Variants in METTL8 observed in about 807,000 individuals in gnomAD.
METTL8 encodes methyltransferase 8, tRNA N3-cytidine, also known as tRNA N(3)-cytidine methyltransferase METTL8, mitochondrial.
A neutral mutation model predicts 48.7 loss-of-function variants in METTL8; 32 were observed. The observed-to-expected ratio is 0.66, with a 90% confidence interval of 0.50 to 0.88. The LOEUF is 0.88. Ranked by LOEUF, METTL8 falls within the 40% of genes least tolerant of loss-of-function variation. The pLI, the probability that METTL8 is intolerant of heterozygous loss-of-function variation, is 0.00. For synonymous variants in METTL8, 136 were observed against 157.1 expected (o/e 0.87, Z 1.01); for missense variants, 464 against 474.4 (o/e 0.98, Z 0.20).
chr2:171,420,875 T>A (rs1459483807), intron 1 of METTL8, among the ~76,000 whole-genome samples: 4 of 152,244 alleles, frequency 2.6e-5, no homozygotes, highest in Admixed American at 1.3e-4. Flanking sequence ...TTTTAGTGAC[T>A]GTGAAATGGA....
intron 3 of METTL8, among the ~76,000 whole-genome samples, chr2:171,344,676 G>T (rs1189802250): frequency 2.0e-5 from 3 of 152,174 alleles, no homozygotes; most frequent in Non-Finnish European, 4.4e-5. Flanking sequence ...GAATATATGG[G>T]TTTGTGGGAC....
In METTL8 at chr2:171,320,804, T is replaced by C. The variant is rs1405188492; in HGVS notation, c.*3368A>G. 6.6e-6 allele frequency: 1 copy of C among 152,254 alleles called. No individual in the cohort carries two copies. The highest frequency in any genetic ancestry group is 1.5e-5 in the Non-Finnish European group (1 of 68,046). The allele number at this position is 152,254 out of a possible 1,614,324, so 9.4% of individuals were successfully genotyped here. On this transcript the variant is annotated 3_prime_UTR_variant, in exon 10 of 10. Transcript: ENST00000375258. ...AGGCAAGTTTGTGCAAAAACCTTTA[T>C]GTGGTCTTCCTTGCCACTGATCTCT...
At chr2:171,360,579 G>A (rs750169880) in intron 2 of METTL8, 66 bp from the exon 3 acceptor site, 1 of 1,344,438 alleles carries the variant, frequency 7.4e-7, no homozygotes, top group East Asian at 2.3e-5. Flanking sequence ...AAGGTGACAA[G>A]GAACCACATC....
At chr2:171,340,498 CAAAAAAAAAAAA>C (rs760579218) in intron 3 of METTL8, among the ~76,000 whole-genome samples, 2 of 42,932 alleles carry the variant, frequency 4.7e-5, no homozygotes, top group African/African-American at 9.2e-5. Flanking sequence ...TGAGTTGTCT[CAAAAAAAAAAAA>C]AAAAAAAAAA....
At chr2:171,376,710 A>G (rs1473381649) in intron 2 of METTL8, among the ~76,000 whole-genome samples, 1 of 152,236 alleles carries the variant, frequency 6.6e-6, no homozygotes, top group Non-Finnish European at 1.5e-5. Flanking sequence ...GATGACACAA[A>G]CAAATGGAAA....
Position 171,316,467 on chromosome 2 carries a change from C to T in METTL8, c.*7705G>A, listed in dbSNP as rs1340663539. 6.6e-6 allele frequency among the ~76,000 whole-genome samples: 1 copy of T among 152,156 alleles called. No individual in the cohort carries two copies. Among genetic ancestry groups the T allele is most frequent in the East Asian group, 1.9e-4 (1 of 5,196 alleles). On this transcript the variant is annotated 3_prime_UTR_variant, in exon 10 of 10. Coordinates refer to ENST00000375258, the MANE Select transcript of METTL8 (RefSeq NM_001321154.2). Reference sequence around the variant, plus strand: ...TGGAGAGTGAGTTAGGGAGAGAAAGCATGGAAGAAATGTGAGTAAAACAAG... The same window carrying T: ...TGGAGAGTGAGTTAGGGAGAGAAAGTATGGAAGAAATGTGAGTAAAACAAG...
intron 2 of METTL8, chr2:171,374,935 A>G (rs913233462): frequency 2.4e-5 from 30 of 1,251,812 alleles, no homozygotes; most frequent in Non-Finnish European, 3.1e-5. Context: ...AGCTCCTTAC[A>G]TGGGCTTTGG....
chr2:171,339,999 C>A (rs1167108487), intron 3 of METTL8, among the ~76,000 whole-genome samples: 1 of 150,748 alleles, frequency 6.6e-6, no homozygotes, highest in Non-Finnish European at 1.5e-5. Context: ...GAGTTCGAGA[C>A]CAGCCTGGCC....
chr2:171,377,981 C>T (rs768869881), intron 2 of METTL8, among the ~76,000 whole-genome samples: 2 of 152,062 alleles, frequency 1.3e-5, no homozygotes, highest in Non-Finnish European at 2.9e-5. Context: ...TTTGCAATTG[C>T]AAAAACATGG....
intron 3 of METTL8, among the ~76,000 whole-genome samples, chr2:171,356,482 G>C (rs1684554054): frequency 6.6e-6 from 1 of 152,112 alleles, no homozygotes; most frequent in African/African-American, 2.4e-5. Context: ...TTGTGAACTA[G>C]TCACCCTACT....
intron 2 of METTL8, chr2:171,374,892 A>C (rs1434641022): frequency 4.1e-6 from 4 of 971,004 alleles, no homozygotes; most frequent in East Asian, 2.4e-5. Context: ...ATTTTTCTCC[A>C]GAGAATAGTC....
At chr2:171,326,587 C>T (rs78899430) in intron 7 of METTL8, among the ~76,000 whole-genome samples, 3,095 of 152,310 alleles carry the variant, frequency 0.02, 105 homozygotes, top group African/African-American at 0.07. Flanking sequence ...TCCTCCAAAA[C>T]GAGCTCATTC....
intron 2 of METTL8, among the ~76,000 whole-genome samples, chr2:171,369,464 T>C (rs1686076329): frequency 6.6e-6 from 1 of 152,260 alleles, no homozygotes; most frequent in Non-Finnish European, 1.5e-5. Context: ...GCAATGCCAC[T>C]CTTTGCATTA....
At chr2:171,430,124 A>G (rs1213927627) in intron 1 of METTL8, among the ~76,000 whole-genome samples, 2 of 151,950 alleles carry the variant, frequency 1.3e-5, no homozygotes, top group Admixed American at 6.6e-5. Context: ...TTGGGAGGCC[A>G]AAGTGGGCGG....
At chr2:171,394,102 ATGTGCCTT>A (rs1360611886) in intron 1 of METTL8, among the ~76,000 whole-genome samples, 1 of 152,180 alleles carries the variant, frequency 6.6e-6, no homozygotes, top group Non-Finnish European at 1.5e-5. Context: ...CTTTACCCTG[ATGTGCCTT>A]TGTTCTTTTT....
At chr2:171,428,844 T>A (rs1692681450) in intron 1 of METTL8, among the ~76,000 whole-genome samples, 1 of 151,728 alleles carries the variant, frequency 6.6e-6, no homozygotes, top group African/African-American at 2.4e-5. Flanking sequence ...ATAAAGAAAA[T>A]CTCAAATATA....
Position 171,392,128 on chromosome 2 carries a change from T to C in METTL8, c.58A>G (p.Arg20Gly), listed in dbSNP as rs1258472192. ...ACTGGGTGGTAACCACTTTGGTATC[T>C]GTGTGGCACCTTTCCTAGCCTTAGA... ...SCLRLGKVPHRYQSGYHPVAP... is the reference protein window; with the variant it reads ...SCLRLGKVPHGYQSGYHPVAP... Residue 20 changes from arginine (R) to glycine (G), a missense_variant, in exon 2 of 10, where the codon AGA becomes GGA. Physicochemically the swap from Arg to Gly is moderately radical, Grantham distance 125 (BLOSUM62 -2). Transcript: ENST00000375258. 6.4e-7 allele frequency: 1 copy of C among 1,551,658 alleles called. No homozygotes were observed.
At chr2:171,324,708 A>G (rs1559039329) in intron 9 of METTL8, among the ~76,000 whole-genome samples, 1 of 152,194 alleles carries the variant, frequency 6.6e-6, no homozygotes, top group African/African-American at 2.4e-5. Flanking sequence ...GTACTCACAT[A>G]AATTTGGGGA....
Position 171,370,686 on chromosome 2 carries a change from G to T in METTL8, c.144-10173C>A, listed in dbSNP as rs377123106. ...GGCACCTGTAGTCCCAGCTACTCGG[G>T]AGGCTGAGGCAGGAGAATGGCGTGA... is the stretch of plus-strand genomic sequence containing the variant. On this transcript the variant is annotated intron_variant, in intron 2 of 9. Transcript: ENST00000375258. 5.3e-5 allele frequency among the ~76,000 whole-genome samples: 8 copies of T among 152,184 alleles called. No homozygotes were observed. In the East Asian group the frequency reaches 1.5e-3, roughly 29 times the overall value.
Sources: allele counts gnomAD v4.1 joint callset (sites outside exome capture counted in the v4.1 genomes callset), GRCh38; gene constraint gnomAD v4.1.1; transcripts MANE v1.5; gene names NCBI Gene and HGNC (gene_info 2026-07-23, HGNC 2026-07-21).